NOS2: variants seen among roughly 807,000 people sequenced by gnomAD.
NOS2 encodes nitric oxide synthase 2.
Under a neutral mutation model 136.0 loss-of-function variants are expected in NOS2, and 96 were observed. That is an observed-to-expected ratio of 0.71 (90% CI 0.60 to 0.84). The LOEUF is 0.84. NOS2 is among the 40% of genes least tolerant of loss of function. The pLI, the probability that NOS2 is intolerant of heterozygous loss-of-function variation, is 0.00. For missense variants in NOS2, 1,237 were observed against 1,496.9 expected, an observed-to-expected ratio of 0.83 and a Z score of 2.87; for synonymous variants, 539 against 587.5, an observed-to-expected ratio of 0.92 and a Z score of 1.20.
chr17:27,760,973 C>T (rs1382143638), intron 23 of NOS2, among the ~76,000 whole-genome samples, 171 bp downstream of exon 23: 1 of 152,204 alleles, frequency 6.6e-6, no homozygotes, highest in Admixed American at 6.5e-5. Context: ...CTCTTGAGAC[C>T]CACCTGTCAT....
chr17:27,780,255 T>C (rs1348354065), intron 9 of NOS2, among the ~76,000 whole-genome samples: 1 of 152,216 alleles, frequency 6.6e-6, no homozygotes, highest in Non-Finnish European at 1.5e-5. Context: ...ATTTGGTTCA[T>C]TCAACGGCCA....
intron 22 of NOS2, 71 bp from the exon 23 acceptor site, chr17:27,761,302 C>G: frequency 9.2e-7 from 1 of 1,086,180 alleles, no homozygotes; most frequent in Non-Finnish European, 1.2e-6. Context: ...CTGCTCCGCC[C>G]ACACCACGGC....
At position 27,765,616 on chromosome 17, in the gene NOS2, G is replaced by C. The variant is rs1908274422; in HGVS notation, c.2347C>G (p.Leu783Val). Reference sequence around the variant, plus strand: ...ACTCGCTCCAGGATACCTTGGACCAGGGCCGGCTGGTTGCCTGGGCAAACC... The same window carrying C: ...ACTCGCTCCAGGATACCTTGGACCACGGCCGGCTGGTTGCCTGGGCAAACC... ...LGVCPGNQPALVQGILERVVD... is the reference protein window; with the variant it reads ...LGVCPGNQPAVVQGILERVVD... The change falls in exon 20 of 27, where the codon CTG becomes GTG. Residue 783 changes from leucine to valine, a missense_variant. Coordinates refer to ENST00000313735, the MANE Select transcript of NOS2 (RefSeq NM_000625.4). 1 of 1,613,066 alleles carries C rather than the reference G, an allele frequency of 6.2e-7. No individual in the cohort carries two copies. Among genetic ancestry groups the C allele is most frequent in the South Asian group, 1.1e-5 (1 of 91,046 alleles).
intron 14 of NOS2, 79 bp downstream of exon 14, chr17:27,772,229 T>C: frequency 2.7e-6 from 4 of 1,505,668 alleles, no homozygotes; most frequent in South Asian, 2.3e-5. Flanking sequence ...CATCCAGGAG[T>C]GGGGAAACCG....
At position 27,760,699 on chromosome 17, in the gene NOS2, G is replaced by T; in HGVS notation, c.2934C>A (p.Ile978=). The T allele has an allele frequency of 1.9e-6, 3 of 1,550,876 alleles. No individual in the cohort carries two copies. Among genetic ancestry groups the T allele is most frequent in the Non-Finnish European group, 1.7e-6 (2 of 1,147,090 alleles). Residue 978 remains isoleucine, a synonymous_variant, in exon 24 of 27, where the codon ATC becomes ATA. Transcript: ENST00000313735. ...CGATGCCTGTGCCAGGCCCGATGAGGATGCAAGGATGGGAGGGATCCTCGG... is the reference window on the plus strand; with the variant it reads ...CGATGCCTGTGCCAGGCCCGATGAGTATGCAAGGATGGGAGGGATCCTCGG... ...HLPEDPSHPC[I]LIGPGTGIAP...
intron 12 of NOS2, among the ~76,000 whole-genome samples, chr17:27,773,834 G>A (rs371680237): frequency 5.4e-4 from 83 of 152,338 alleles, no homozygotes; most frequent in East Asian, 1.7e-3. Context: ...ACCCCCCGTC[G>A]TGGAGTGAAG....
chr17:27,796,802 G>A (rs974446039), intron 2 of NOS2, among the ~76,000 whole-genome samples: 7 of 151,960 alleles, frequency 4.6e-5, no homozygotes, highest in African/African-American at 9.7e-5. Flanking sequence ...AGGAAGGGGC[G>A]AAGCCACTGC....
Position 27,800,481 on chromosome 17 carries a change from T to G in NOS2, c.-216A>C, listed in dbSNP as rs369481668. ...AGAGATTTTAAAGCAGGAATGAGGC[T>G]GAGTTCTCTGCGGCCGGAGCCTCAG... On this transcript the variant is annotated 5_prime_UTR_variant, in exon 1 of 27. Coordinates refer to ENST00000313735, the MANE Select transcript of NOS2 (RefSeq NM_000625.4). 6.6e-6 allele frequency: 1 copy of G among 152,414 alleles called. No homozygotes were observed. The highest frequency in any genetic ancestry group is 2.1e-4 in the South Asian group (1 of 4,834). The allele number at this position is 152,414 out of a possible 1,614,324, so 9.4% of individuals were successfully genotyped here. A position where few individuals can be genotyped will look rare whatever the true frequency, so the allele number is the denominator to read the frequency against.
intron 2 of NOS2, among the ~76,000 whole-genome samples, chr17:27,794,552 C>A (rs1483012547): frequency 1.3e-5 from 2 of 152,192 alleles, no homozygotes; most frequent in African/African-American, 2.4e-5. Flanking sequence ...TCCCGAACCC[C>A]AGTTAAAGCA....
chr17:27,781,833 G>C (rs568877063), intron 7 of NOS2, among the ~76,000 whole-genome samples, 182 bp downstream of exon 7: 1 of 152,300 alleles, frequency 6.6e-6, no homozygotes, highest in South Asian at 2.1e-4. Flanking sequence ...TGGGAGCTGA[G>C]CTCACAGGGG....
At chr17:27,769,385 C>G in intron 16 of NOS2, 150 bp downstream of exon 16, 1 of 763,274 alleles carries the variant, frequency 1.3e-6, no homozygotes, top group Non-Finnish European at 2.2e-6. Flanking sequence ...GTTTGACCCT[C>G]GACACATTCT....
intron 24 of NOS2, 87 bp downstream of exon 24, chr17:27,760,535 CA>C: frequency 6.5e-7 from 1 of 1,529,594 alleles, no homozygotes; most frequent in South Asian, 1.2e-5. Flanking sequence ...CGAGAGAGGT[CA>C]GGAACCGTTT....
chr17:27,772,650 G>A (rs1204774952), intron 13 of NOS2, among the ~76,000 whole-genome samples, 198 bp from the exon 14 acceptor site: 1 of 152,204 alleles, frequency 6.6e-6, no homozygotes, highest in Non-Finnish European at 1.5e-5. Flanking sequence ...GCCCCTTTGG[G>A]AAAAGGGAGG....
intron 26 of NOS2, 119 bp downstream of exon 26, chr17:27,758,762 C>G: frequency 6.8e-6 from 5 of 736,648 alleles, no homozygotes; most frequent in Non-Finnish European, 8.1e-6. Context: ...CTAAGATTCT[C>G]TTGGGGTCCA....
chr17:27,776,450 A>G (rs1908660571), intron 11 of NOS2, among the ~76,000 whole-genome samples: 1 of 152,116 alleles, frequency 6.6e-6, no homozygotes, highest in Non-Finnish European at 1.5e-5. Flanking sequence ...AGACAGGTGG[A>G]TCACTTGAGG....
intron 16 of NOS2, 140 bp downstream of exon 16, chr17:27,769,395 T>C: frequency 1.3e-6 from 1 of 790,122 alleles, no homozygotes; most frequent in Non-Finnish European, 2.1e-6. Flanking sequence ...CGACACATTC[T>C]GAGTACAGAC....
chr17:27,780,365 T>C (rs1351420353), intron 9 of NOS2, among the ~76,000 whole-genome samples: 4 of 152,286 alleles, frequency 2.6e-5, no homozygotes, highest in East Asian at 3.9e-4. Context: ...GCTGGGCCAG[T>C]AGGACTCTTG....
intron 20 of NOS2, among the ~76,000 whole-genome samples, 194 bp from the exon 21 acceptor site, chr17:27,764,338 C>T (rs1908229026): frequency 6.6e-6 from 1 of 152,110 alleles, no homozygotes; most frequent in African/African-American, 2.4e-5. Context: ...AGGCTGATCA[C>T]CAGCCCCCAA....
chr17:27,773,787 C>A (rs1485342252), intron 12 of NOS2, among the ~76,000 whole-genome samples: 1 of 152,222 alleles, frequency 6.6e-6, no homozygotes, highest in Admixed American at 6.5e-5. Flanking sequence ...GGGCACTGGG[C>A]TGAGCTGTTC....
Sources: gnomAD v4.1 joint callset for allele counts (sites outside exome capture counted in the v4.1 genomes callset) on GRCh38, gnomAD v4.1.1 for gene constraint, MANE v1.5 for transcripts, NCBI Gene and HGNC (gene_info 2026-07-23, HGNC 2026-07-21) for gene names.